The following TENM3 variants were observed in gnomAD, a reference collection of about 807,000 sequenced individuals.
The protein encoded by TENM3 is teneurin transmembrane protein 3, also known as teneurin-3.
In TENM3, 63 loss-of-function variants were observed where a neutral mutation model predicts 255.1. That is an observed-to-expected ratio of 0.25 (90% CI 0.20 to 0.30). The LOEUF (loss-of-function observed/expected upper bound fraction) is 0.30. TENM3 is among the 10% of genes least tolerant of loss of function. The pLI, the probability that TENM3 is intolerant of heterozygous loss-of-function variation, is 1.00. For synonymous variants in TENM3, 1,306 were observed against 1,322.3 expected, an observed-to-expected ratio of 0.99 and a Z score of 0.27; for missense variants, 2,929 against 3,461.1, an observed-to-expected ratio of 0.85 and a Z score of 3.86.
At chr4:181,632,365 A>G in the TENM3 span, among the ~76,000 whole-genome samples, 1 of 152,194 alleles carries the variant, frequency 6.6e-6, no homozygotes, top group Non-Finnish European at 1.5e-5. Context: ...TTGGGGGATT[A>G]AAATTCCAGA....
chr4:182,331,409 G>A (rs1402187141), intron 2 of TENM3, among the ~76,000 whole-genome samples: 2 of 152,080 alleles, frequency 1.3e-5, no homozygotes, highest in South Asian at 2.1e-4. Context: ...AGCCAGGTGT[G>A]GTGGCAGGAG....
At chr4:182,771,707 C>T (rs775831599) in intron 22 of TENM3, among the ~76,000 whole-genome samples, 3 of 152,144 alleles carry the variant, frequency 2.0e-5, no homozygotes, top group Non-Finnish European at 4.4e-5. Flanking sequence ...TTAAATAAAC[C>T]AGTGCGTGTT....
At position 182,679,658 on chromosome 4, in the gene TENM3, C is replaced by T. The variant is rs923760537; in HGVS notation, c.1327-8C>T. On this transcript the variant is annotated splice_polypyrimidine_tract_variant and splice_region_variant and intron_variant, in intron 7 of 27. Transcript: ENST00000511685. ...CTTTCTGACTATTTTTCCTCGTCCT[C>T]CCCCCAGTATGACTTCGTGGAGCTC... 6.9e-6 allele frequency: 11 copies of T among 1,604,608 alleles called. No homozygotes were observed. Among genetic ancestry groups the T allele is most frequent in the Non-Finnish European group, 9.4e-6 (11 of 1,174,318 alleles).
At chr4:182,159,449 T>A (rs1579540662) in intron 1 of TENM3, among the ~76,000 whole-genome samples, 1 of 618 alleles carries the variant, frequency 1.6e-3, no homozygotes, top group African/African-American at 2.2e-3. Flanking sequence ...TGTGTATGAG[T>A]GTGTGTGTGT....
At chr4:181,858,102 T>C in the TENM3 span, among the ~76,000 whole-genome samples, 39 of 152,058 alleles carry the variant, frequency 2.6e-4, no homozygotes, top group African/African-American at 9.4e-4. Context: ...AATTTTGGCA[T>C]GTGTATATTA....
At chr4:182,720,362 G>A (rs531727914) in intron 13 of TENM3, among the ~76,000 whole-genome samples, 1 of 151,176 alleles carries the variant, frequency 6.6e-6, no homozygotes, top group South Asian at 2.2e-4. Flanking sequence ...GGGAGAGGGA[G>A]TTTAAAAAAA....
At chr4:182,206,136 T>C (rs1754558796) in intron 1 of TENM3, among the ~76,000 whole-genome samples, 1 of 151,862 alleles carries the variant, frequency 6.6e-6, no homozygotes, top group African/African-American at 2.4e-5. Flanking sequence ...AATGTCTGTG[T>C]AAGTGTTAAA....
At chr4:182,432,294 A>G (rs939445712) in intron 3 of TENM3, among the ~76,000 whole-genome samples, 1 of 152,150 alleles carries the variant, frequency 6.6e-6, no homozygotes, top group African/African-American at 2.4e-5. Flanking sequence ...TATGTTCACT[A>G]TTTTGTTGGA....
At chr4:181,452,854 G>A in the TENM3 span, among the ~76,000 whole-genome samples, 1 of 152,190 alleles carries the variant, frequency 6.6e-6, no homozygotes, top group Non-Finnish European at 1.5e-5. Context: ...TGGTTTGGTG[G>A]CAGGATTTCG....
At chr4:181,473,543 T>G in the TENM3 span, among the ~76,000 whole-genome samples, 1 of 151,748 alleles carries the variant, frequency 6.6e-6, no homozygotes, top group African/African-American at 2.4e-5. Flanking sequence ...AGTGAGCTAA[T>G]GATTGTCCCC....
the TENM3 span, among the ~76,000 whole-genome samples, chr4:181,952,054 G>T: frequency 6.6e-6 from 1 of 152,188 alleles, no homozygotes; most frequent in Non-Finnish European, 1.5e-5. Flanking sequence ...ACTTTTTAAA[G>T]AACTGTGGTT....
the TENM3 span, among the ~76,000 whole-genome samples, chr4:181,564,342 C>G: frequency 6.6e-6 from 1 of 152,208 alleles, no homozygotes. Context: ...ACTTATGAAG[C>G]GGGCACTGTT....
At chr4:182,689,219 AG>A (rs1193359910) in intron 12 of TENM3, among the ~76,000 whole-genome samples, 1 of 152,212 alleles carries the variant, frequency 6.6e-6, no homozygotes, top group Admixed American at 6.5e-5. Context: ...TTTGTGGTAT[AG>A]TATTTCTCCA....
At chr4:182,395,796 T>G (rs542319446) in intron 3 of TENM3, among the ~76,000 whole-genome samples, 34 of 152,378 alleles carry the variant, frequency 2.2e-4, no homozygotes, top group Non-Finnish European at 4.6e-4. Context: ...CTGAATGGTC[T>G]GAAATGCCCC....
chr4:182,561,968 C>CCAGATAGATAGACAGA (rs1158682754), intron 3 of TENM3, among the ~76,000 whole-genome samples: 26 of 140,068 alleles, frequency 1.9e-4, no homozygotes, highest in Non-Finnish European at 4.0e-4. Flanking sequence ...CTGTGTATAT[C>CCAGATAGATAGACAGA]CAGATAGATA....
At chr4:181,701,302 C>T in the TENM3 span, among the ~76,000 whole-genome samples, 15 of 152,266 alleles carry the variant, frequency 9.9e-5, no homozygotes, top group Admixed American at 4.6e-4. Context: ...AAATGTGATT[C>T]GCAACACTCA....
At chr4:181,560,286 A>G in the TENM3 span, among the ~76,000 whole-genome samples, 1 of 152,158 alleles carries the variant, frequency 6.6e-6, no homozygotes, top group Non-Finnish European at 1.5e-5. Context: ...GCCCACCCTC[A>G]TGACCTAATC....
intron 3 of TENM3, among the ~76,000 whole-genome samples, chr4:182,527,707 G>GT (rs200200098): frequency 3.3e-5 from 5 of 149,764 alleles, no homozygotes; most frequent in Admixed American, 1.4e-4. Context: ...GTCAAAGTTT[G>GT]TTTTTTTTGG....
At chr4:182,475,510 G>A (rs965488202) in intron 3 of TENM3, among the ~76,000 whole-genome samples, 1 of 152,002 alleles carries the variant, frequency 6.6e-6, no homozygotes, top group African/African-American at 2.4e-5. Flanking sequence ...ACGGGGGTGT[G>A]TTTTTATATG....
Sources: gnomAD v4.1 joint callset for allele counts (sites outside exome capture counted in the v4.1 genomes callset) on GRCh38, gnomAD v4.1.1 for gene constraint, MANE v1.5 for transcripts, NCBI Gene and HGNC (gene_info 2026-07-23, HGNC 2026-07-21) for gene names.